RETREG1: variants seen among roughly 807,000 people sequenced by gnomAD.
RETREG1 encodes the protein reticulophagy regulator 1, also known as family with sequence similarity 134 member B.
RETREG1 carries 44 observed loss-of-function variants against 54.8 expected under a neutral mutation model. The observed-to-expected ratio is 0.80, with a 90% CI of 0.63 to 1.03. RETREG1 has a LOEUF of 1.03. Ranked by LOEUF, RETREG1 falls within the 50% of genes least tolerant of loss-of-function variation. The pLI is 0.00. For missense variants in RETREG1, 554 were observed against 605.1 expected, an observed-to-expected ratio of 0.92 and a Z score of 0.89; for synonymous variants, 217 against 238.5, an observed-to-expected ratio of 0.91 and a Z score of 0.83.
intron 2 of RETREG1, among the ~76,000 whole-genome samples, chr5:16,568,259 AGAT>A (rs1345005634): frequency 2.1e-5 from 3 of 143,214 alleles, no homozygotes; most frequent in East Asian, 4.2e-4. Context: ...TTCACTCACA[AGAT>A]GATATCACTG....
intron 3 of RETREG1, among the ~76,000 whole-genome samples, chr5:16,492,748 CCT>C (rs1325269799): frequency 6.6e-6 from 1 of 152,000 alleles, no homozygotes; most frequent in Non-Finnish European, 1.5e-5. Flanking sequence ...TTATTATGTT[CCT>C]CTGTGTGTAG....
At chr5:16,506,687 G>A (rs1387675957) in intron 3 of RETREG1, among the ~76,000 whole-genome samples, 1 of 152,108 alleles carries the variant, frequency 6.6e-6, no homozygotes, top group Non-Finnish European at 1.5e-5. Flanking sequence ...CACCAGGCCA[G>A]TTGTAATCTT....
At chr5:16,612,633 T>C (rs1743380276) in intron 1 of RETREG1, among the ~76,000 whole-genome samples, 1 of 152,250 alleles carries the variant, frequency 6.6e-6, no homozygotes, top group Admixed American at 6.5e-5. Flanking sequence ...ACTATGGGAC[T>C]GTTACCCAAT....
In RETREG1 at chr5:16,561,620, G is replaced by T. The variant is rs1382155949; in HGVS notation, c.458+4143C>A. On this transcript the variant is annotated intron_variant, in intron 3 of 8. Coordinates refer to ENST00000306320, the MANE Select transcript of RETREG1 (RefSeq NM_001034850.3). This position sits in a 1 kb window ranked among gnomAD's most constrained non-coding sequence, Gnocchi z 4.2. ...TCCCCAAAGGAGAGAAATAGCCTAA[G>T]TCTAACAAAAGCCCTAGAATAGGGA... is the stretch of plus-strand genomic sequence containing the variant. Among the ~76,000 whole-genome samples the T allele has an allele frequency of 6.6e-6, 1 of 152,182 alleles. No homozygotes were observed. The highest frequency in any genetic ancestry group is 1.5e-5 in the Non-Finnish European group (1 of 68,030).
intron 1 of RETREG1, among the ~76,000 whole-genome samples, chr5:16,611,226 G>A (rs1246241176): frequency 6.6e-6 from 1 of 152,194 alleles, no homozygotes; most frequent in Non-Finnish European, 1.5e-5. Context: ...GACACAGGAA[G>A]GGGAACATCA....
chr5:16,485,052 C>T (rs1334328872), intron 3 of RETREG1, among the ~76,000 whole-genome samples: 1 of 151,768 alleles, frequency 6.6e-6, no homozygotes, highest in African/African-American at 2.4e-5. Context: ...AAAATCTTGC[C>T]ACAGATATCT....
At chr5:16,540,036 G>A (rs1741195875) in intron 3 of RETREG1, among the ~76,000 whole-genome samples, 1 of 152,130 alleles carries the variant, frequency 6.6e-6, no homozygotes, top group Non-Finnish European at 1.5e-5. Context: ...ATTCTTGAGT[G>A]CTTTCTGGTT....
At chr5:16,564,577 G>A (rs145189191) in intron 3 of RETREG1, among the ~76,000 whole-genome samples, 246 of 152,220 alleles carry the variant, frequency 1.6e-3, no homozygotes, top group African/African-American at 5.8e-3. Flanking sequence ...CTGCCTATGC[G>A]CAGCACACAG....
At chr5:16,557,838 T>A (rs1381287323) in intron 3 of RETREG1, among the ~76,000 whole-genome samples, 2 of 152,160 alleles carry the variant, frequency 1.3e-5, no homozygotes, top group Non-Finnish European at 2.9e-5. Context: ...GATGCTTTTT[T>A]AATTTAATCT....
intron 1 of RETREG1, among the ~76,000 whole-genome samples, chr5:16,612,164 T>C (rs567777772): frequency 7.1e-4 from 108 of 151,058 alleles, no homozygotes; most frequent in Non-Finnish European, 1.5e-3. Flanking sequence ...CAGAAACAGA[T>C]CAGTCCCCAG....
chr5:16,566,063 C>G (rs1319299886), intron 2 of RETREG1, among the ~76,000 whole-genome samples: 2 of 152,172 alleles, frequency 1.3e-5, no homozygotes, highest in Non-Finnish European at 2.9e-5. Flanking sequence ...GACCCTGCCT[C>G]GGGGACTTCA....
intron 2 of RETREG1, among the ~76,000 whole-genome samples, chr5:16,568,323 G>A (rs1742076313): frequency 6.6e-6 from 1 of 150,992 alleles, no homozygotes; most frequent in Non-Finnish European, 1.5e-5. Flanking sequence ...CGAGGCTGGA[G>A]TGCAATGACG....
chr5:16,505,825 T>C (rs1413201067), intron 3 of RETREG1, among the ~76,000 whole-genome samples: 1 of 152,218 alleles, frequency 6.6e-6, no homozygotes, highest in Non-Finnish European at 1.5e-5. Flanking sequence ...TCCTAGTCGC[T>C]GCCCCCATTG....
intron 3 of RETREG1, among the ~76,000 whole-genome samples, chr5:16,544,291 A>G (rs1741331309): frequency 6.6e-6 from 1 of 152,202 alleles, no homozygotes; most frequent in Non-Finnish European, 1.5e-5. Flanking sequence ...CCAAGTTTTA[A>G]TAGTTCTTTA....
At position 16,597,885 on chromosome 5, in the gene RETREG1, C is replaced by A. The variant is rs1020186837; in HGVS notation, c.320+18767G>T. Among the ~76,000 whole-genome samples, 7 of 152,120 alleles carry A rather than the reference C, an allele frequency of 4.6e-5. No homozygotes were observed. Among genetic ancestry groups the A allele is most frequent in the Non-Finnish European group, 1.0e-4 (7 of 68,028 alleles). On this transcript the variant is annotated intron_variant, in intron 1 of 8. Transcript: ENST00000306320. The surrounding 1 kb of genome is among the most constrained non-coding windows in gnomAD (Gnocchi z 4.3). ...AGATCTGGACCTGCTTCCTTTCCAGCCTCACCTCCTGTGACCGCTGGCACG... is the reference window on the plus strand; with the variant it reads ...AGATCTGGACCTGCTTCCTTTCCAGACTCACCTCCTGTGACCGCTGGCACG...
intron 3 of RETREG1, among the ~76,000 whole-genome samples, chr5:16,564,157 C>A (rs1741944429): frequency 6.6e-6 from 1 of 152,152 alleles, no homozygotes; most frequent in African/African-American, 2.4e-5. Flanking sequence ...TCATTCTCTT[C>A]TTTATCCTCC....
chr5:16,510,828 A>C (rs925916745), intron 3 of RETREG1, among the ~76,000 whole-genome samples: 3 of 151,130 alleles, frequency 2.0e-5, no homozygotes, highest in Admixed American at 6.6e-5. Flanking sequence ...CAAAAAAAAA[A>C]AAAAAAAAAA....
At chr5:16,610,019 C>T (rs996230919) in intron 1 of RETREG1, among the ~76,000 whole-genome samples, 3 of 152,204 alleles carry the variant, frequency 2.0e-5, no homozygotes, top group South Asian at 2.1e-4. Flanking sequence ...GTGGAGGAGG[C>T]CCATGATTTT....
intron 3 of RETREG1, among the ~76,000 whole-genome samples, chr5:16,522,869 G>A (rs2126583131): frequency 6.6e-6 from 1 of 152,140 alleles, no homozygotes; most frequent in Non-Finnish European, 1.5e-5. Context: ...AGCTGAGCAT[G>A]GTAGCACAAG....
Sources: allele counts gnomAD v4.1 joint callset (sites outside exome capture counted in the v4.1 genomes callset), GRCh38; gene constraint gnomAD v4.1.1; non-coding constraint Gnocchi (gnomAD v3.1); transcripts MANE v1.5; gene names NCBI Gene and HGNC (gene_info 2026-07-23, HGNC 2026-07-21).